The following LTBP2 variants were observed in gnomAD, a reference collection of about 807,000 sequenced individuals.
LTBP2 encodes the protein latent-transforming growth factor beta-binding protein 2.
LTBP2 carries 103 observed loss-of-function variants against 210.6 expected under a neutral mutation model. The ratio of observed to expected loss-of-function variants is 0.49; its 90% CI spans 0.42 to 0.58. The LOEUF is 0.58. LTBP2 is among the 20% of genes least tolerant of loss of function. LTBP2 has a pLI of 0.00. For synonymous variants in LTBP2, 1,007 were observed against 1,015.0 expected (o/e 0.99, Z 0.15); for missense variants, 2,313 against 2,494.5 (o/e 0.93, Z 1.55).
intron 15 of LTBP2, among the ~76,000 whole-genome samples, chr14:74,524,821 G>C (rs1038393364): frequency 1.4e-4 from 21 of 152,144 alleles, no homozygotes; most frequent in Non-Finnish European, 2.5e-4. Context: ...CCCCTTCCTT[G>C]AGAGGGACCC....
chr14:74,542,552 C>T (rs2087522151), intron 8 of LTBP2, among the ~76,000 whole-genome samples: 1 of 152,210 alleles, frequency 6.6e-6, no homozygotes, highest in South Asian at 2.1e-4. Flanking sequence ...CAGACACATA[C>T]ATGCCTGGCG....
At position 74,507,332 on chromosome 14, in the gene LTBP2, G is replaced by T. The variant is rs373289173; in HGVS notation, c.3776-22C>A. On this transcript the variant is annotated intron_variant, in intron 25 of 35. Transcript: ENST00000261978. ...ATATCTGTCCCCAGAGCCATGCCAT[G>T]AGAGAGGACAGAGGTGGCCAGGTCA... is the stretch of plus-strand genomic sequence containing the variant. 9 of 1,613,676 alleles carry T rather than the reference G, an allele frequency of 5.6e-6. No individual in the cohort carries two copies. The African/African-American group carries it at 1.2e-4, about 22-fold the overall frequency.
chr14:74,583,965 G>T (rs1040309622), intron 3 of LTBP2, among the ~76,000 whole-genome samples: 1 of 152,000 alleles, frequency 6.6e-6, no homozygotes, highest in Non-Finnish European at 1.5e-5. Flanking sequence ...CAACACATGG[G>T]GTGGTGCCCT....
chr14:74,551,611 C>T (rs947882143), intron 6 of LTBP2, among the ~76,000 whole-genome samples: 1 of 152,174 alleles, frequency 6.6e-6, no homozygotes, highest in Admixed American at 6.5e-5. Flanking sequence ...CCCCCATGAC[C>T]CTGGCCAACC....
intron 3 of LTBP2, among the ~76,000 whole-genome samples, chr14:74,560,683 T>C (rs1443124275): frequency 6.6e-6 from 1 of 152,212 alleles, no homozygotes; most frequent in Admixed American, 6.5e-5. Flanking sequence ...ATCATATCCA[T>C]GGGTTCTGCC....
intron 18 of LTBP2, 147 bp from the exon 19 acceptor site, chr14:74,511,511 T>G: frequency 9.7e-7 from 1 of 1,028,802 alleles, no homozygotes; most frequent in Middle Eastern, 2.0e-4. Context: ...TGCCCTGTGT[T>G]CCCAACTCCA....
At position 74,502,845 on chromosome 14, in the gene LTBP2, CG is replaced by C; in HGVS notation, c.4977del (p.Asp1662MetfsTer79). ...ATGCTGTAGTGCAGGTCATCGGGCC[CG>C]GGGCCATACTCATAGCCTGGCCGGA... is the stretch of plus-strand genomic sequence containing the variant. ...VHFRPGYEYG[P>X]GPDDLHYSIY... On this transcript the variant is annotated frameshift_variant, in exon 34 of 36. Coordinates refer to ENST00000261978, the MANE Select transcript of LTBP2 (RefSeq NM_000428.3). LOFTEE classifies it high-confidence loss of function. The C allele has an allele frequency of 6.2e-7, 1 of 1,614,056 alleles. No homozygotes were observed. Among genetic ancestry groups the C allele is most frequent in the Non-Finnish European group, 8.5e-7 (1 of 1,179,994 alleles).
chr14:74,511,266 C>T lies in LTBP2; in HGVS notation c.3007G>A (p.Gly1003Ser), dbSNP rs746054917. The T allele has an allele frequency of 6.2e-7, 1 of 1,614,020 alleles. No individual in the cohort carries two copies. Among genetic ancestry groups the T allele is most frequent in the Non-Finnish European group, 8.5e-7 (1 of 1,180,006 alleles). ...TCLACEEGYR[G>S]QSGSCVDVNE... ...TCACCTACACAGCTCCCACTCTGGC[C>T]CCGGTAGCCCTCCTCACAGGCCAGA... Residue 1003 changes from glycine (G) to serine (S), a missense_variant, in exon 19 of 36, where the codon GGC becomes AGC. By Grantham distance (56) the Gly-to-Ser change is moderately conservative (BLOSUM62 0). Coordinates refer to ENST00000261978, the MANE Select transcript of LTBP2 (RefSeq NM_000428.3).
chr14:74,591,631 G>A (rs748883867), intron 2 of LTBP2, among the ~76,000 whole-genome samples: 4 of 152,170 alleles, frequency 2.6e-5, no homozygotes, highest in East Asian at 1.9e-4. Flanking sequence ...GCTTCCTCAC[G>A]GAAATTAAGC....
intron 2 of LTBP2, among the ~76,000 whole-genome samples, chr14:74,600,458 C>T (rs1174554112): frequency 6.6e-6 from 1 of 152,140 alleles, no homozygotes; most frequent in African/African-American, 2.4e-5. Flanking sequence ...AGGATGCCCC[C>T]ACACACATGC....
chr14:74,552,991 C>A lies in LTBP2; in HGVS notation c.1093G>T (p.Ala365Ser), dbSNP rs1468930938. 2.5e-6 allele frequency: 4 copies of A among 1,614,060 alleles called. No individual in the cohort carries two copies. The highest frequency in any genetic ancestry group is 1.3e-5 in the African/African-American group (1 of 74,944). The change falls in exon 5 of 36, where the codon GCC becomes TCC. Residue 365 changes from alanine to serine, a missense_variant. By Grantham distance (99) the Ala-to-Ser change is moderately conservative (BLOSUM62 1). Around this residue, in one of 3 missense-constraint regions of LTBP2, gnomAD observed 1,867 missense variants for 1,976.9 expected, o/e 0.94. Coordinates refer to ENST00000261978, the MANE Select transcript of LTBP2 (RefSeq NM_000428.3). ...FTPTICKQTC[A>S]RGHCANSCER... ...CAGCTGTTGGCACAGTGTCCACGGG[C>A]ACAGGTCTGCTTGCAGATGGTGGGA... is the stretch of plus-strand genomic sequence containing the variant.
intron 8 of LTBP2, 63 bp from the exon 9 acceptor site, chr14:74,536,063 C>T (rs1329848098): frequency 6.9e-7 from 1 of 1,452,360 alleles, no homozygotes. Flanking sequence ...GTCACCCATG[C>T]TGGGAAGCGG....
chr14:74,611,542 G>C lies in LTBP2; in HGVS notation c.403C>G (p.Arg135Gly). 6.4e-7 allele frequency: 1 copy of C among 1,566,752 alleles called. No homozygotes were observed. The highest frequency in any genetic ancestry group is 8.6e-7 in the Non-Finnish European group (1 of 1,163,862). ...TPLGQQQPAP[R>G]TRAAPALPRL... ...GGGAGAGCCGGCGCGGCCCGGGTCC[G>C]GGGTGCTGGTTGCTGCTGGCCCAGG... The change falls in exon 1 of 36, where the codon CGG (arginine) becomes GGG (glycine). Residue 135 changes from arginine (R) to glycine (G), a missense_variant. Physicochemically the swap from Arg to Gly is moderately radical, Grantham distance 125. This residue lies in a region of LTBP2 where 1,867 missense variants were observed against 1,976.9 expected (regional missense o/e 0.94). Coordinates refer to ENST00000261978, the MANE Select transcript of LTBP2 (RefSeq NM_000428.3).
At position 74,536,004 on chromosome 14, in the gene LTBP2, A is replaced by C; in HGVS notation, c.1790-4T>G. ...CCATTCTCAATCACCGGGGAGGCTGAAGAGTGGAGATACGGACAGGTCTCA... is the reference window on the plus strand; with the variant it reads ...CCATTCTCAATCACCGGGGAGGCTGCAGAGTGGAGATACGGACAGGTCTCA... On this transcript the variant is annotated splice_polypyrimidine_tract_variant and splice_region_variant and intron_variant, in intron 8 of 35. Transcript: ENST00000261978. 1.9e-6 allele frequency: 3 copies of C among 1,613,830 alleles called. No individual in the cohort carries two copies. Among genetic ancestry groups the C allele is most frequent in the Non-Finnish European group, 2.5e-6 (3 of 1,179,726 alleles).
chr14:74,504,502 T>A (rs1777346692), intron 30 of LTBP2, among the ~76,000 whole-genome samples: 1 of 152,208 alleles, frequency 6.6e-6, no homozygotes, highest in Non-Finnish European at 1.5e-5. Context: ...CACATGTGGC[T>A]GTGGGTGAGA....
Position 74,585,933 on chromosome 14 carries a change from C to T in LTBP2, c.751G>A (p.Ala251Thr), listed in dbSNP as rs781644874. Residue 251 changes from alanine to threonine, a missense_variant, in exon 3 of 36, where the codon GCG becomes ACG. This residue lies in a region of LTBP2 where 1,867 missense variants were observed against 1,976.9 expected (regional missense o/e 0.94). Transcript: ENST00000261978. ...CTGGCCAAGGTGCCCTCTCCAGCCG[C>T]ACTGCTCCTGCGCAGGTTGGGTGAA... is the stretch of plus-strand genomic sequence containing the variant. The part of the protein sequence containing the change: ...ERSPNLRRSS[A>T]AGEGTLARAQ... 9.2e-5 allele frequency: 149 copies of T among 1,613,798 alleles called. No homozygotes were observed. The highest frequency in any genetic ancestry group is 1.2e-4 in the Non-Finnish European group (141 of 1,179,934).
chr14:74,524,275 G>A (rs1228508499), intron 15 of LTBP2, among the ~76,000 whole-genome samples: 2 of 152,188 alleles, frequency 1.3e-5, no homozygotes. Context: ...GCCCAGAGGA[G>A]AGAGGTCCCA....
intron 8 of LTBP2, among the ~76,000 whole-genome samples, chr14:74,544,205 C>T (rs967233309): frequency 2.6e-5 from 4 of 152,192 alleles, no homozygotes; most frequent in Non-Finnish European, 5.9e-5. Context: ...GGCATCTCAT[C>T]CAGAATCCCA....
At chr14:74,602,887 T>C (rs1162604409) in intron 2 of LTBP2, among the ~76,000 whole-genome samples, 1 of 152,340 alleles carries the variant, frequency 6.6e-6, no homozygotes, top group East Asian at 1.9e-4. Context: ...GCCAGGGCCA[T>C]TGGGCCAGGG....
Sources: allele counts gnomAD v4.1 joint callset (sites outside exome capture counted in the v4.1 genomes callset), GRCh38; gene constraint gnomAD v4.1.1; regional missense constraint gnomAD v4.1.1; transcripts MANE v1.5; gene names NCBI Gene and HGNC (gene_info 2026-07-23, HGNC 2026-07-21).